The following UNC80 variants were observed in gnomAD, a reference collection of about 807,000 sequenced individuals.
The protein encoded by UNC80 is protein unc-80 homolog.
UNC80 carries 164 observed loss-of-function variants against 384.6 expected under a neutral mutation model. The observed-to-expected ratio is 0.43, with a 90% CI of 0.38 to 0.49. The LOEUF is 0.49. Among genes scored for constraint, UNC80 ranks in the 20% least tolerant of loss-of-function variants. The pLI is 0.00. For missense variants in UNC80, 3,330 were observed against 4,143.0 expected (o/e 0.80, Z 5.39); for synonymous variants, 1,486 against 1,527.8 (o/e 0.97, Z 0.64).
At chr2:209,773,394 G>T (rs1296310796) in intron 2 of UNC80, among the ~76,000 whole-genome samples, 2 of 152,202 alleles carry the variant, frequency 1.3e-5, no homozygotes, top group Non-Finnish European at 2.9e-5. Flanking sequence ...GCCAGATGGT[G>T]GTAAGCACTA....
chr2:209,816,136 A>G (rs902221458), intron 9 of UNC80, among the ~76,000 whole-genome samples: 1 of 152,218 alleles, frequency 6.6e-6, no homozygotes, highest in Non-Finnish European at 1.5e-5. Context: ...TTCTTAAAAC[A>G]TTGATCATTT....
chr2:209,847,686 T>C (rs1265349074), intron 21 of UNC80, among the ~76,000 whole-genome samples: 1 of 152,010 alleles, frequency 6.6e-6, no homozygotes, highest in Non-Finnish European at 1.5e-5. Context: ...TCTTTTGAAA[T>C]TGGTAATCTT....
chr2:209,810,538 G>GT, intron 7 of UNC80, among the ~76,000 whole-genome samples: 2 of 152,246 alleles, frequency 1.3e-5, no homozygotes, highest in South Asian at 4.1e-4. Context: ...TGGTGCCTGC[G>GT]TTTTTAACAA....
intron 47 of UNC80, among the ~76,000 whole-genome samples, chr2:209,949,236 C>G (rs988558830): frequency 2.6e-5 from 4 of 152,042 alleles, no homozygotes; most frequent in African/African-American, 9.7e-5. Context: ...CTAGGTAGCT[C>G]TATGTCATTC....
At chr2:209,830,051 CA>C (rs2080842740) in intron 15 of UNC80, among the ~76,000 whole-genome samples, 1 of 152,086 alleles carries the variant, frequency 6.6e-6, no homozygotes, top group Non-Finnish European at 1.5e-5. Context: ...GCAAATGCAG[CA>C]ATGCAAGGAA....
intron 17 of UNC80, 32 bp from the exon 18 acceptor site, chr2:209,834,880 G>A (rs938367776): frequency 2.7e-6 from 4 of 1,507,444 alleles, no homozygotes; most frequent in South Asian, 2.4e-5. Flanking sequence ...ATCCTGCTCT[G>A]CTGTAATTGT....
chr2:209,931,129 A>G, intron 38 of UNC80, 75 bp downstream of exon 38: 1 of 1,114,844 alleles, frequency 9.0e-7, no homozygotes, highest in South Asian at 1.5e-5. Context: ...TTTTTCAATA[A>G]ATTTCCATTA....
intron 18 of UNC80, among the ~76,000 whole-genome samples, chr2:209,838,170 C>A (rs955270239): frequency 1.3e-5 from 2 of 152,044 alleles, no homozygotes; most frequent in African/African-American, 4.8e-5. Flanking sequence ...CTTTGGATAT[C>A]GTATTGCCAC....
chr2:209,969,983 T>G, intron 53 of UNC80, 92 bp downstream of exon 53: 1 of 1,474,446 alleles, frequency 6.8e-7, no homozygotes, highest in Non-Finnish European at 9.1e-7. Flanking sequence ...TCAACCACTT[T>G]GTGCCCCTAT....
At chr2:209,946,014 C>T in intron 47 of UNC80, 71 bp downstream of exon 47, 3 of 1,094,138 alleles carry the variant, frequency 2.7e-6, no homozygotes, top group Non-Finnish European at 2.7e-6. Context: ...TGAATGAATA[C>T]AAAGGTTATG....
rs376430825 is a variant in UNC80 at position 209,978,723 on chromosome 2, A to C, written c.9118+15A>C. 6.6e-7 allele frequency: 1 copy of C among 1,517,916 alleles called. No homozygotes were observed. The highest frequency in any genetic ancestry group is 1.4e-5 in the African/African-American group (1 of 72,572). The allele number at this position is 1,517,916 out of a possible 1,614,324, so 94.0% of individuals were successfully genotyped here. ...AGATGAGGAAAGTAGGTCATTCCAG[A>C]GAATCTGGGCAGTAGACATGGCCTG... On this transcript the variant is annotated intron_variant, in intron 59 of 64. Transcript: ENST00000673920.
chr2:209,873,691 AAG>A (rs1245935237), intron 23 of UNC80, among the ~76,000 whole-genome samples: 1 of 152,198 alleles, frequency 6.6e-6, no homozygotes, highest in African/African-American at 2.4e-5. Context: ...AACACACATA[AAG>A]AGGTTCCATA....
At chr2:209,825,680 A>G (rs1434410485) in intron 13 of UNC80, among the ~76,000 whole-genome samples, 2 of 152,206 alleles carry the variant, frequency 1.3e-5, no homozygotes, top group African/African-American at 4.8e-5. Flanking sequence ...TATATTCTCT[A>G]GCAACAGAGG....
intron 61 of UNC80, among the ~76,000 whole-genome samples, chr2:209,991,794 G>A (rs1251069736): frequency 1.3e-5 from 2 of 152,134 alleles, no homozygotes; most frequent in African/African-American, 4.8e-5. Context: ...CCATGTGATA[G>A]AGTTGTTTGT....
intron 4 of UNC80, among the ~76,000 whole-genome samples, chr2:209,783,329 A>G (rs762597576): frequency 6.6e-6 from 1 of 152,108 alleles, no homozygotes; most frequent in Non-Finnish European, 1.5e-5. Flanking sequence ...TGTGTGTTCC[A>G]TTAAAAGAAA....
At chr2:209,994,022 C>T (rs766396143) in intron 63 of UNC80, 43 bp from the exon 64 acceptor site, 2 of 1,509,496 alleles carry the variant, frequency 1.3e-6, no homozygotes, top group South Asian at 2.6e-5. Flanking sequence ...CGGTCCGTTT[C>T]CACCAACTCC....
intron 22 of UNC80, among the ~76,000 whole-genome samples, chr2:209,856,761 C>CTTAT (rs140456629): frequency 0.032 from 4,822 of 149,758 alleles, 123 homozygotes; most frequent in African/African-American, 0.068. Context: ...TTTTTGTTTA[C>CTTAT]TTATTTATTT....
chr2:209,830,913 G>A (rs962802643), intron 15 of UNC80, among the ~76,000 whole-genome samples: 2 of 151,998 alleles, frequency 1.3e-5, no homozygotes, highest in Admixed American at 1.3e-4. Flanking sequence ...TCTTTCCCAG[G>A]GCCTTTGAGA....
At chr2:209,844,623 C>T (rs575637774) in intron 21 of UNC80, among the ~76,000 whole-genome samples, 11 of 150,026 alleles carry the variant, frequency 7.3e-5, no homozygotes, top group Admixed American at 2.0e-4. Context: ...AGGGTCTTCC[C>T]CTGTCACCCA....
Sources: gnomAD v4.1 joint callset for allele counts (sites outside exome capture counted in the v4.1 genomes callset) on GRCh38, gnomAD v4.1.1 for gene constraint, MANE v1.5 for transcripts, NCBI Gene and HGNC (gene_info 2026-07-23, HGNC 2026-07-21) for gene names.